Variants in TBCK observed in about 807,000 individuals in gnomAD.
TBCK encodes TBC1 domain containing kinase, also known as TBC domain-containing protein kinase-like protein.
Under a neutral mutation model 113.4 loss-of-function variants are expected in TBCK, and 99 were observed. The observed-to-expected ratio is 0.87, with a 90% CI of 0.74 to 1.03. TBCK has a LOEUF of 1.03. Ranked by LOEUF, TBCK falls within the 50% of genes least tolerant of loss-of-function variation. The pLI, the probability that TBCK is intolerant of heterozygous loss-of-function variation, is 0.00. For missense variants in TBCK, 1,045 were observed against 1,061.3 expected, an observed-to-expected ratio of 0.98 and a Z score of 0.21; for synonymous variants, 369 against 370.8, an observed-to-expected ratio of 1.00 and a Z score of 0.05.
At chr4:106,216,908 C>G (rs575718421) in intron 19 of TBCK, among the ~76,000 whole-genome samples, 2,759 of 151,868 alleles carry the variant, frequency 0.018, 77 homozygotes, top group African/African-American at 0.061. Flanking sequence ...GGCAGAGACA[C>G]AACCAAAAAA....
At chr4:106,226,721 T>C (rs1414120598) in intron 19 of TBCK, among the ~76,000 whole-genome samples, 1 of 152,188 alleles carries the variant, frequency 6.6e-6, no homozygotes, top group East Asian at 1.9e-4. Flanking sequence ...ACAGATTATT[T>C]AAATTGCATA....
intron 3 of TBCK, among the ~76,000 whole-genome samples, chr4:106,275,464 G>C (rs1030308997): frequency 6.6e-6 from 1 of 151,858 alleles, no homozygotes. Flanking sequence ...AGCCATAAAG[G>C]TTAAAAAAGA....
At chr4:106,092,024 T>C (rs1327913802) in intron 25 of TBCK, among the ~76,000 whole-genome samples, 2 of 152,210 alleles carry the variant, frequency 1.3e-5, no homozygotes, top group Non-Finnish European at 1.5e-5. Context: ...GATTGGTGTA[T>C]TTACAAACCC....
At chr4:106,256,821 G>A (rs1319178164) in intron 5 of TBCK, among the ~76,000 whole-genome samples, 2 of 152,098 alleles carry the variant, frequency 1.3e-5, no homozygotes, top group Non-Finnish European at 2.9e-5. Context: ...ATTCTATAAA[G>A]TACCTATTTT....
At chr4:106,288,585 C>T (rs1481725580) in intron 3 of TBCK, among the ~76,000 whole-genome samples, 4 of 152,168 alleles carry the variant, frequency 2.6e-5, no homozygotes, top group African/African-American at 7.2e-5. Flanking sequence ...TTACCCCTTA[C>T]TCTCTAACAG....
chr4:106,175,463 T>C lies in TBCK; in HGVS notation c.2060-4193A>G, dbSNP rs761411785. On this transcript the variant is annotated intron_variant, in intron 22 of 25. Coordinates refer to ENST00000394708, the MANE Select transcript of TBCK (RefSeq NM_001163435.3). Reference sequence around the variant, plus strand: ...TTTGTTAGAAGACTCCTAAGTAAGATATTTCTCCTTCTGGGAACATTGAGT... The same window carrying C: ...TTTGTTAGAAGACTCCTAAGTAAGACATTTCTCCTTCTGGGAACATTGAGT... Among the ~76,000 whole-genome samples the C allele has an allele frequency of 5.3e-5, 8 of 151,724 alleles. 1 individual carries two copies. Among genetic ancestry groups the C allele is most frequent in the Non-Finnish European group, 1.0e-4 (7 of 67,930 alleles).
intron 1 of TBCK, among the ~76,000 whole-genome samples, chr4:106,315,070 G>A (rs62318116): frequency 0.077 from 11,659 of 152,064 alleles, 511 homozygotes; most frequent in Middle Eastern, 0.18. Context: ...TACATAAAAA[G>A]GCTCACACAC....
At chr4:106,105,523 G>C (rs951776218) in intron 24 of TBCK, among the ~76,000 whole-genome samples, 2 of 152,184 alleles carry the variant, frequency 1.3e-5, no homozygotes, top group Non-Finnish European at 2.9e-5. Context: ...AGCACTGAGA[G>C]GGAACATGGC....
chr4:106,286,597 CAAG>C (rs1166114515), intron 3 of TBCK, among the ~76,000 whole-genome samples: 1 of 152,006 alleles, frequency 6.6e-6, no homozygotes, highest in Non-Finnish European at 1.5e-5. Flanking sequence ...GAGGCTAAGG[CAAG>C]AAGATCACTC....
At chr4:106,142,548 T>A (rs534139660) in intron 23 of TBCK, among the ~76,000 whole-genome samples, 1 of 152,284 alleles carries the variant, frequency 6.6e-6, no homozygotes, top group African/African-American at 2.4e-5. Context: ...GGCATTTACA[T>A]ACTAGGATTT....
chr4:106,214,188 A>C (rs1756555099), intron 19 of TBCK, among the ~76,000 whole-genome samples: 2 of 152,318 alleles, frequency 1.3e-5, no homozygotes, highest in South Asian at 4.2e-4. Flanking sequence ...TAACAAACAG[A>C]AAGGACATCC....
At chr4:106,194,820 T>G in intron 20 of TBCK, 66 bp from the exon 21 acceptor site, 2 of 1,332,478 alleles carry the variant, frequency 1.5e-6, no homozygotes, top group Non-Finnish European at 2.1e-6. Context: ...TTAGAATGAT[T>G]ACCAATAAAC....
rs545454908 is a variant in TBCK, at chr4:106,045,937, G to A, written c.*633C>T. The A allele has an allele frequency of 5.9e-5, 9 of 152,268 alleles. No homozygotes were observed. Among genetic ancestry groups the A allele is most frequent in the Middle Eastern group, 3.4e-3 (1 of 294 alleles). The allele number at this position is 152,268 out of a possible 1,614,324, so 9.4% of individuals were successfully genotyped here. A position where few individuals can be genotyped will look rare whatever the true frequency, so the allele number is the denominator to read the frequency against. On this transcript the variant is annotated 3_prime_UTR_variant, in exon 26 of 26. Transcript: ENST00000394708. ...ACTAGAAAATTTGTTTAAGCCATTCGTCTTTGCTACAGGAACTGACCAAAT... is the reference window on the plus strand; with the variant it reads ...ACTAGAAAATTTGTTTAAGCCATTCATCTTTGCTACAGGAACTGACCAAAT...
chr4:106,148,030 C>CA (rs1748029398), intron 23 of TBCK, among the ~76,000 whole-genome samples: 1 of 152,192 alleles, frequency 6.6e-6, no homozygotes, highest in Non-Finnish European at 1.5e-5. Flanking sequence ...AAATATACCC[C>CA]AGTCTCCCAT....
chr4:106,254,547 G>A (rs1266420342), intron 5 of TBCK, among the ~76,000 whole-genome samples: 2 of 152,060 alleles, frequency 1.3e-5, no homozygotes, highest in African/African-American at 2.4e-5. Context: ...TTATCTTTCA[G>A]TTGAATTAAA....
intron 23 of TBCK, chr4:106,163,613 C>T (rs1246291621): frequency 2.0e-5 from 3 of 152,122 alleles, no homozygotes; most frequent in Non-Finnish European, 2.9e-5. Flanking sequence ...GGGAAGCAAA[C>T]ATGTCCTTCT....
intron 19 of TBCK, among the ~76,000 whole-genome samples, chr4:106,221,952 C>A (rs964204425): frequency 6.6e-6 from 1 of 151,864 alleles, no homozygotes; most frequent in East Asian, 1.9e-4. Flanking sequence ...TGTACATGTA[C>A]CCTGAATCTA....
intron 3 of TBCK, among the ~76,000 whole-genome samples, chr4:106,294,485 CT>C (rs147484754): frequency 2.2e-3 from 318 of 141,582 alleles, no homozygotes; most frequent in Middle Eastern, 3.6e-3. Flanking sequence ...GGAAAATAAT[CT>C]TTTTTTTTTT....
intron 22 of TBCK, among the ~76,000 whole-genome samples, chr4:106,174,374 G>A (rs928508613): frequency 6.6e-5 from 10 of 152,076 alleles, no homozygotes; most frequent in African/African-American, 1.4e-4. Flanking sequence ...GCCCTTGACT[G>A]ATAGTTTGAC....
Sources: gnomAD v4.1 joint callset for allele counts (sites outside exome capture counted in the v4.1 genomes callset) on GRCh38, gnomAD v4.1.1 for gene constraint, MANE v1.5 for transcripts, NCBI Gene and HGNC (gene_info 2026-07-23, HGNC 2026-07-21) for gene names.